The following RAB3C variants were observed in gnomAD, a reference collection of about 807,000 sequenced individuals.
The protein encoded by RAB3C is ras-related protein Rab-3C.
In RAB3C, 17 loss-of-function variants were observed where a neutral mutation model predicts 26.4. The observed-to-expected ratio is 0.64, with a 90% CI of 0.44 to 0.97. The LOEUF (loss-of-function observed/expected upper bound fraction) is 0.97, where lower values mean the gene tolerates loss of function less well. Ranked by LOEUF, RAB3C falls within the 50% of genes least tolerant of loss-of-function variation. The pLI is 0.00. For synonymous variants in RAB3C, 91 were observed against 95.9 expected, an observed-to-expected ratio of 0.95 and a Z score of 0.30; for missense variants, 242 against 281.9, an observed-to-expected ratio of 0.86 and a Z score of 1.01.
chr5:58,698,775 C>T lies in RAB3C; in HGVS notation c.253-27227C>T, dbSNP rs572658719. On this transcript the variant is annotated intron_variant, in intron 2 of 4. Transcript: ENST00000282878. Reference sequence around the variant, plus strand: ...CTCATGCCATGGTTTTCAGCTCCATCAGGTCATTTAAGGTCTTCTCTACAC... The same window carrying T: ...CTCATGCCATGGTTTTCAGCTCCATTAGGTCATTTAAGGTCTTCTCTACAC... Among the ~76,000 whole-genome samples, 4 of 152,286 alleles carry T rather than the reference C, an allele frequency of 2.6e-5. No individual in the cohort carries two copies. In the East Asian group the frequency reaches 7.7e-4, roughly 29 times the overall value.
chr5:58,606,794 C>G (rs1281670726), intron 1 of RAB3C, among the ~76,000 whole-genome samples: 1 of 152,144 alleles, frequency 6.6e-6, no homozygotes, highest in African/African-American at 2.4e-5. Flanking sequence ...AGTGGACCTC[C>G]AGCAAACTCC....
At chr5:58,758,906 G>A (rs574092489) in intron 3 of RAB3C, among the ~76,000 whole-genome samples, 5 of 151,676 alleles carry the variant, frequency 3.3e-5, no homozygotes, top group African/African-American at 9.7e-5. Context: ...TTGGTTTCCA[G>A]CAGCCTCATA....
intron 2 of RAB3C, among the ~76,000 whole-genome samples, chr5:58,668,859 C>T (rs1748053627): frequency 6.6e-6 from 1 of 152,070 alleles, no homozygotes; most frequent in South Asian, 2.1e-4. Flanking sequence ...ATACCATAGA[C>T]TGGGTGGCTT....
At chr5:58,752,603 T>G (rs1400087669) in intron 3 of RAB3C, among the ~76,000 whole-genome samples, 18 of 152,296 alleles carry the variant, frequency 1.2e-4, no homozygotes. Flanking sequence ...AAATTCTTAA[T>G]AGTTGGCCTT....
At chr5:58,719,189 G>A (rs1177800100) in intron 2 of RAB3C, among the ~76,000 whole-genome samples, 3 of 152,010 alleles carry the variant, frequency 2.0e-5, no homozygotes, top group Non-Finnish European at 4.4e-5. Flanking sequence ...GTCATATCAA[G>A]CAACATTGCT....
At position 58,583,110 on chromosome 5, in the gene RAB3C, A is replaced by G. The variant is rs112189224; in HGVS notation, c.-99A>G. 1.3e-6 allele frequency: 2 copies of G among 1,595,458 alleles called. No homozygotes were observed. Among genetic ancestry groups the G allele is most frequent in the Admixed American group, 3.5e-5 (2 of 56,722 alleles). On this transcript the variant is annotated 5_prime_UTR_variant, in exon 1 of 5. Transcript: ENST00000282878. ...TTGGAGCCGGTTAGCGAACCCCAAG[A>G]GTGCAGAGTGTGGAGCGTGGAGCGC...
At chr5:58,629,173 A>AT (rs912792917) in intron 2 of RAB3C, among the ~76,000 whole-genome samples, 1 of 151,380 alleles carries the variant, frequency 6.6e-6, no homozygotes, top group East Asian at 2.0e-4. Flanking sequence ...ATTTTTTTAA[A>AT]TTTTTTTTGT....
intron 1 of RAB3C, among the ~76,000 whole-genome samples, chr5:58,613,972 G>T (rs1746770386): frequency 6.6e-6 from 1 of 152,058 alleles, no homozygotes; most frequent in African/African-American, 2.4e-5. Flanking sequence ...TAAACATCTT[G>T]CTGCTCAGTG....
At chr5:58,785,619 T>C (rs541705995) in intron 3 of RAB3C, among the ~76,000 whole-genome samples, 3 of 152,150 alleles carry the variant, frequency 2.0e-5, no homozygotes, top group African/African-American at 7.2e-5. Flanking sequence ...TTGCTGTTGG[T>C]CCAGTGTGTA....
At chr5:58,688,907 A>C (rs183825910) in intron 2 of RAB3C, among the ~76,000 whole-genome samples, 74 of 152,178 alleles carry the variant, frequency 4.9e-4, no homozygotes, top group Non-Finnish European at 7.4e-5. Flanking sequence ...TTTTTACCTT[A>C]ATAATTTGTT....
chr5:58,664,647 C>T lies in RAB3C; in HGVS notation c.252+46777C>T, dbSNP rs142173794. The stretch of plus-strand genomic sequence containing the variant: ...TAGGGGACACTAGGTGAGGGGTACA[C>T]AGGATCTCTTTATATCATTTCTTAA... On this transcript the variant is annotated intron_variant, in intron 2 of 4. Coordinates refer to ENST00000282878, the MANE Select transcript of RAB3C (RefSeq NM_138453.4). Among the ~76,000 whole-genome samples, 883 of 152,224 alleles carry T rather than the reference C, an allele frequency of 5.8e-3. 10 individuals carry two copies. Among genetic ancestry groups the T allele is most frequent in the African/African-American group, 0.019 (804 of 41,542 alleles).
chr5:58,706,873 CAA>C (rs1748953471), intron 2 of RAB3C, among the ~76,000 whole-genome samples: 1 of 152,180 alleles, frequency 6.6e-6, no homozygotes, highest in African/African-American at 2.4e-5. Flanking sequence ...ACCGTTGAGA[CAA>C]AGGGTTTTCA....
chr5:58,761,057 T>TCA (rs1396965291), intron 3 of RAB3C, among the ~76,000 whole-genome samples: 1 of 72,220 alleles, frequency 1.4e-5, no homozygotes, highest in African/African-American at 4.6e-5. Flanking sequence ...TCCCTCTCTC[T>TCA]CTCTCTCACA....
At chr5:58,649,007 A>G (rs965154847) in intron 2 of RAB3C, among the ~76,000 whole-genome samples, 1 of 152,210 alleles carries the variant, frequency 6.6e-6, no homozygotes, top group South Asian at 2.1e-4. Context: ...ACCAAACATC[A>G]GTTTCCTTCA....
intron 1 of RAB3C, among the ~76,000 whole-genome samples, chr5:58,591,101 A>G (rs1296077573): frequency 1.3e-5 from 2 of 152,222 alleles, no homozygotes; most frequent in Non-Finnish European, 2.9e-5. Context: ...TTCTATTGCT[A>G]CTATGGAAGA....
intron 2 of RAB3C, among the ~76,000 whole-genome samples, chr5:58,700,455 G>A (rs1452454170): frequency 6.6e-6 from 1 of 152,144 alleles, no homozygotes; most frequent in Non-Finnish European, 1.5e-5. Flanking sequence ...ATACTGAATA[G>A]GTAACATCCA....
intron 3 of RAB3C, among the ~76,000 whole-genome samples, chr5:58,796,078 C>G (rs1303710477): frequency 2.6e-5 from 4 of 152,148 alleles, no homozygotes; most frequent in Admixed American, 1.3e-4. Context: ...CAACAGATGA[C>G]CTTTCCCTGT....
chr5:58,743,844 A>G (rs906820937), intron 3 of RAB3C, among the ~76,000 whole-genome samples: 1 of 152,196 alleles, frequency 6.6e-6, no homozygotes, highest in African/African-American at 2.4e-5. Flanking sequence ...TATTATTGGA[A>G]TTGAACTTTC....
chr5:58,717,030 G>A (rs1375189451), intron 2 of RAB3C, among the ~76,000 whole-genome samples: 1 of 152,036 alleles, frequency 6.6e-6, no homozygotes, highest in Non-Finnish European at 1.5e-5. Context: ...GGTGGGGGAT[G>A]TTGATAGTGG....
Sources: gnomAD v4.1 joint callset for allele counts (sites outside exome capture counted in the v4.1 genomes callset) on GRCh38, gnomAD v4.1.1 for gene constraint, MANE v1.5 for transcripts, NCBI Gene and HGNC (gene_info 2026-07-23, HGNC 2026-07-21) for gene names.